The following CERS1 variants were observed in gnomAD, a reference collection of about 807,000 sequenced individuals.
CERS1 encodes the protein Embryonic growth/differentiation factor 1.
A neutral mutation model predicts 35.7 loss-of-function variants in CERS1; 16 were observed. The observed-to-expected ratio is 0.45, with a 90% CI of 0.30 to 0.68. The LOEUF is 0.68. Ranked by LOEUF, CERS1 falls within the 30% of genes least tolerant of loss-of-function variation. CERS1 has a pLI of 0.08. For synonymous variants in CERS1, 243 were observed against 201.6 expected (o/e 1.21, Z -1.74); for missense variants, 454 against 453.9 (o/e 1.00, Z 0.00).
Position 18,880,256 on chromosome 19 carries a change from G to A in CERS1, c.752+18C>T. ...CAGGCCACACCTCCCTCCCTGCCCA[G>A]CACTCCCTACCACTCACCAGCTGAA... is the stretch of plus-strand genomic sequence containing the variant. On this transcript the variant is annotated intron_variant, in intron 4 of 7. Transcript: ENST00000623882. 2.0e-6 allele frequency: 3 copies of A among 1,536,076 alleles called. No homozygotes were observed. Among genetic ancestry groups the A allele is most frequent in the Non-Finnish European group, 1.8e-6 (2 of 1,138,040 alleles).
chr19:18,894,285 C>T (rs2056571853), intron 1 of CERS1, among the ~76,000 whole-genome samples: 2 of 151,858 alleles, frequency 1.3e-5, no homozygotes, highest in South Asian at 4.2e-4. Flanking sequence ...CCAGAGCTGC[C>T]CGGCCAAGCC....
Position 18,869,011 on chromosome 19 carries a change from C to T in CERS1, c.*974G>A. 1 of 1,095,014 alleles carries T rather than the reference C, an allele frequency of 9.1e-7. No homozygotes were observed. Among genetic ancestry groups the T allele is most frequent in the South Asian group, 4.2e-5 (1 of 23,848 alleles). The allele number at this position is 1,095,014 out of a possible 1,614,324, so 67.8% of individuals were successfully genotyped here. A position where few individuals can be genotyped will look rare whatever the true frequency, so the allele number is the denominator to read the frequency against. On this transcript the variant is annotated 3_prime_UTR_variant, in exon 8 of 8. Transcript: ENST00000623882. Reference sequence around the variant, plus strand: ...GGCGCGGGTCGAGGGTCACCAGCAGCAGCGAGGCCTCGGCCAGGCGCGCGC... The same window carrying T: ...GGCGCGGGTCGAGGGTCACCAGCAGTAGCGAGGCCTCGGCCAGGCGCGCGC...
At position 18,888,889 on chromosome 19, in the gene CERS1, C is replaced by CTTT. The variant is rs756124590; in HGVS notation, c.409+4524_409+4526dup. Among the ~76,000 whole-genome samples, 424 of 122,892 alleles carry CTTT rather than the reference C, an allele frequency of 3.5e-3. 5 individuals carry two copies. Among genetic ancestry groups the CTTT allele is most frequent in the African/African-American group, 0.012 (397 of 32,362 alleles). The allele number at this position is 122,892 out of a possible 152,430, so 80.6% of individuals were successfully genotyped here. ...CCCCTATTCCAGAATTTCTTTCTTTCTTTTTTTTTTTTTTTTTTTTGAGAC... is the reference window on the plus strand; with the variant it reads ...CCCCTATTCCAGAATTTCTTTCTTTCTTTTTTTTTTTTTTTTTTTTTTTGAGAC... On this transcript the variant is annotated intron_variant, in intron 2 of 7. Transcript: ENST00000623882.
rs550389590 is a variant in CERS1 at position 18,884,386 on chromosome 19, G to GT, written c.410-120dup. Reference sequence around the variant, plus strand: ...TCCCAGTACCCAGGTAACCATGCGTGTCTGACTGCTGGCTTTCCATTCCCA... The same window carrying GT: ...TCCCAGTACCCAGGTAACCATGCGTGTTCTGACTGCTGGCTTTCCATTCCCA... On this transcript the variant is annotated intron_variant, in intron 2 of 7. Transcript: ENST00000623882. 628 of 891,246 alleles carry GT rather than the reference G, an allele frequency of 7.0e-4. 5 individuals are homozygous for GT. Among genetic ancestry groups the GT allele is most frequent in the Middle Eastern group, 1.4e-3 (4 of 2,812 alleles). The allele number at this position is 891,246 out of a possible 1,614,324, so 55.2% of individuals were successfully genotyped here. A position where few individuals can be genotyped will look rare whatever the true frequency, so the allele number is the denominator to read the frequency against.
At chr19:18,886,368 T>A (rs1281133605) in intron 2 of CERS1, among the ~76,000 whole-genome samples, 3 of 151,916 alleles carry the variant, frequency 2.0e-5, no homozygotes, top group Non-Finnish European at 4.4e-5. Context: ...GTTAACACAG[T>A]GAAACCCCGT....
chr19:18,872,091 T>G (rs781749097), intron 6 of CERS1, among the ~76,000 whole-genome samples: 1 of 152,220 alleles, frequency 6.6e-6, no homozygotes, highest in Non-Finnish European at 1.5e-5. Flanking sequence ...TTTTAAGGTC[T>G]TAGGTTAGTT....
intron 2 of CERS1, among the ~76,000 whole-genome samples, chr19:18,885,516 T>TGG (rs1555705566): frequency 3.6e-5 from 1 of 27,630 alleles, no homozygotes; most frequent in Non-Finnish European, 7.7e-5. Flanking sequence ...TTCTCGTTTT[T>TGG]TTTTTTTTTT....
intron 6 of CERS1, among the ~76,000 whole-genome samples, chr19:18,872,115 C>A (rs890568625): frequency 6.9e-4 from 105 of 152,214 alleles, no homozygotes; most frequent in Admixed American, 6.9e-3. Flanking sequence ...CCACTCAGTT[C>A]CCACAGAGAG....
At chr19:18,885,543 G>A (rs1424200107) in intron 2 of CERS1, among the ~76,000 whole-genome samples, 1 of 128,528 alleles carries the variant, frequency 7.8e-6, no homozygotes, top group Non-Finnish European at 1.6e-5. Flanking sequence ...TTTTTGAGAT[G>A]GAGTCTTGCT....
At chr19:18,869,437 T>A in intron 7 of CERS1, 47 bp from the exon 8 acceptor site, 1 of 1,513,228 alleles carries the variant, frequency 6.6e-7, no homozygotes. Flanking sequence ...GTCCCCGGCC[T>A]GCCCATGGGG....
Position 18,868,566 on chromosome 19 carries a change from T to C in CERS1, c.*1419A>G. 1 of 1,495,930 alleles carries C rather than the reference T, an allele frequency of 6.7e-7. No homozygotes were observed. The highest frequency in any genetic ancestry group is 9.1e-7 in the Non-Finnish European group (1 of 1,099,006). 92.7% of individuals were successfully genotyped at this position (1,495,930 alleles called of 1,614,324 possible). A position where few individuals can be genotyped will look rare whatever the true frequency, so the allele number is the denominator to read the frequency against. The stretch of plus-strand genomic sequence containing the variant: ...AGCGGAGCAGACCACGCGGCATTTA[T>C]TGTTGGGCCCGCGTCCCTGCCCGCC... On this transcript the variant is annotated 3_prime_UTR_variant, in exon 8 of 8. Transcript: ENST00000623882.
chr19:18,871,223 ATT>A (rs572877061), intron 6 of CERS1, among the ~76,000 whole-genome samples: 90,727 of 119,558 alleles, frequency 0.76, 34,376 homozygotes, highest in Admixed American at 0.82. Context: ...ACTCCCAGCA[ATT>A]TTTTTTTTTT....
chr19:18,892,685 C>T (rs966819059), intron 2 of CERS1, among the ~76,000 whole-genome samples: 17 of 152,260 alleles, frequency 1.1e-4, no homozygotes, highest in South Asian at 4.1e-4. Context: ...CCACCCTCCT[C>T]CTGTCCCCAT....
chr19:18,887,837 C>T (rs2056398469), intron 2 of CERS1, among the ~76,000 whole-genome samples: 1 of 152,054 alleles, frequency 6.6e-6, no homozygotes, highest in South Asian at 2.1e-4. Flanking sequence ...GCAACCATCA[C>T]CAGCAGCCAT....
At chr19:18,879,437 T>C in intron 4 of CERS1, 49 bp from the exon 5 acceptor site, 2 of 1,542,976 alleles carry the variant, frequency 1.3e-6, no homozygotes, top group Non-Finnish European at 1.7e-6. Flanking sequence ...GACGGTGCCC[T>C]ACCCAGTCCC....
intron 1 of CERS1, among the ~76,000 whole-genome samples, chr19:18,894,596 C>T (rs1173573497): frequency 1.3e-5 from 2 of 152,098 alleles, no homozygotes; most frequent in Non-Finnish European, 2.9e-5. Flanking sequence ...ACGGCTTGCC[C>T]TCCTGGGTCT....
In CERS1 at chr19:18,887,477, C is replaced by T. The variant is rs1046696146; in HGVS notation, c.410-3210G>A. On this transcript the variant is annotated intron_variant, in intron 2 of 7. Transcript: ENST00000623882. ...ATGGACTAAAAGCTGATGAACTGTT[C>T]GCTTTAAAATGGTTAATTTTTGGCC... Among the ~76,000 whole-genome samples the T allele has an allele frequency of 7.2e-5, 11 of 152,116 alleles. No individual in the cohort carries two copies. In the South Asian group the frequency reaches 1.0e-3, roughly 14 times the overall value.
chr19:18,887,072 A>T (rs1242987025), intron 2 of CERS1, among the ~76,000 whole-genome samples: 1 of 152,276 alleles, frequency 6.6e-6, no homozygotes, highest in African/African-American at 2.4e-5. Flanking sequence ...CCCTGTCTAC[A>T]GCAGCACACA....
intron 2 of CERS1, among the ~76,000 whole-genome samples, chr19:18,890,803 A>AG (rs2056471737): frequency 6.8e-6 from 1 of 146,624 alleles, no homozygotes; most frequent in Non-Finnish European, 1.5e-5. Flanking sequence ...AAAAAAAAAA[A>AG]GCAGCTAAAG....
Sources: allele counts gnomAD v4.1 joint callset (sites outside exome capture counted in the v4.1 genomes callset), GRCh38; gene constraint gnomAD v4.1.1; transcripts MANE v1.5; gene names NCBI Gene and HGNC (gene_info 2026-07-23, HGNC 2026-07-21).